Variants in HGS observed in about 807,000 individuals in gnomAD.
HGS encodes the protein hepatocyte growth factor-regulated tyrosine kinase substrate, also known as human growth factor-regulated tyrosine kinase substrate.
HGS carries 63 observed loss-of-function variants against 109.7 expected under a neutral mutation model. That is an observed-to-expected ratio of 0.57 (90% CI 0.47 to 0.71). The LOEUF is 0.71. HGS is among the 30% of genes least tolerant of loss of function. The pLI, the probability that HGS is intolerant of heterozygous loss-of-function variation, is 0.00. For missense variants in HGS, 995 were observed against 1,068.3 expected (o/e 0.93, Z 0.96); for synonymous variants, 546 against 437.3 (o/e 1.25, Z -3.10).
chr17:81,694,140 C>T (rs1296124869), intron 11 of HGS, among the ~76,000 whole-genome samples, 175 bp downstream of exon 11: 1 of 152,166 alleles, frequency 6.6e-6, no homozygotes, highest in Non-Finnish European at 1.5e-5. Context: ...CGGCTCCAGG[C>T]ACCCGTTGCT....
At chr17:81,686,534 T>G in intron 3 of HGS, 147 bp downstream of exon 3, 1 of 637,726 alleles carries the variant, frequency 1.6e-6, no homozygotes, top group Non-Finnish European at 2.8e-6. Context: ...TGAGTGCCTG[T>G]GTGAACAGTG....
rs2036926038 is a variant in HGS, at chr17:81,684,016, A to G, written c.-51A>G. 4.5e-6 allele frequency: 7 copies of G among 1,567,178 alleles called. No individual in the cohort carries two copies. The highest frequency in any genetic ancestry group is 4.6e-5 in the East Asian group (2 of 43,190). On this transcript the variant is annotated 5_prime_UTR_variant, in exon 1 of 22. Coordinates refer to ENST00000329138, the MANE Select transcript of HGS (RefSeq NM_004712.5). ...GGAAGCGGAAGTCGGGGGGCGCGCC[A>G]GCTCGTAGCAGGGGAGCGCCCGCGG...
chr17:81,686,520 G>C, intron 3 of HGS, 133 bp downstream of exon 3: 1 of 657,848 alleles, frequency 1.5e-6, no homozygotes, highest in African/African-American at 1.8e-5. Flanking sequence ...TTTCCACTCA[G>C]CCTTGAGTGC....
Position 81,690,442 on chromosome 17 carries a change from A to AGGGGGCTC in HGS, c.468+212_468+219dup, listed in dbSNP as rs2144490752. 4 of 642,212 alleles carry AGGGGGCTC rather than the reference A, an allele frequency of 6.2e-6. No individual in the cohort carries two copies. The East Asian group carries it at 1.1e-4, about 18-fold the overall frequency. 39.8% of individuals were successfully genotyped at this position (642,212 alleles called of 1,614,324 possible). ...TGGCTTGAGGGCCTTTAGAGTGGCTAGGGGGCTCGGGAAAGGAAAACAAGC... is the reference window on the plus strand; with the variant it reads ...TGGCTTGAGGGCCTTTAGAGTGGCTAGGGGGCTCGGGGGCTCGGGAAAGGAAAACAAGC... On this transcript the variant is annotated intron_variant, in intron 6 of 21. Transcript: ENST00000329138.
chr17:81,687,851 C>T (rs1311011590), intron 4 of HGS, among the ~76,000 whole-genome samples: 2 of 152,208 alleles, frequency 1.3e-5, no homozygotes, highest in Admixed American at 6.5e-5. Context: ...CCGGGGATCC[C>T]GGTGGACAGC....
At chr17:81,699,062 G>GT (rs2037194737) in intron 18 of HGS, among the ~76,000 whole-genome samples, 1 of 145,726 alleles carries the variant, frequency 6.9e-6, no homozygotes, top group Admixed American at 6.8e-5. Flanking sequence ...GCGAGACTCC[G>GT]TCTCAAAAAA....
At chr17:81,697,171 T>C (rs1873982780) in intron 18 of HGS, 173 bp downstream of exon 18, 1 of 717,614 alleles carries the variant, frequency 1.4e-6, no homozygotes, top group Admixed American at 3.1e-5. Context: ...GCTTTCCTGC[T>C]GGAGCCGTGT....
In HGS at chr17:81,695,045, C is replaced by T. The variant is rs765576760; in HGVS notation, c.1097C>T (p.Ala366Val). 1.2e-5 allele frequency: 20 copies of T among 1,613,454 alleles called. No individual in the cohort carries two copies. In the African/African-American group the frequency reaches 1.5e-4, roughly 12 times the overall value. ...GCTGCACAGCCTGGGGAAGGGCACG[C>T]AGCCCCCACCAACGTGGTGGAGGTG... is the stretch of plus-strand genomic sequence containing the variant. ...EPAAQPGEGHAAPTNVVENPL... is the reference protein window; with the variant it reads ...EPAAQPGEGHVAPTNVVENPL... Residue 366 changes from alanine (A) to valine (V), a missense_variant, in exon 13 of 22, where the codon GCA (alanine) becomes GTA (valine). Transcript: ENST00000329138.
intron 18 of HGS, 80 bp downstream of exon 18, chr17:81,697,078 A>G (rs767677246): frequency 2.5e-5 from 36 of 1,426,976 alleles, no homozygotes; most frequent in Non-Finnish European, 3.1e-5. Flanking sequence ...AGCAGTAAGA[A>G]TGGTGCGAAG....
At position 81,701,651 on chromosome 17, in the gene HGS, CAT is replaced by C; in HGVS notation, c.*35_*36del. On this transcript the variant is annotated 3_prime_UTR_variant, in exon 22 of 22. Transcript: ENST00000329138. ...CATGCTCACGTCCGGAGTAACACTA[CAT>C]ACAGTTCACCTGAAACGCCTCGTCT... 6.6e-7 allele frequency: 1 copy of C among 1,526,262 alleles called. No individual in the cohort carries two copies. Among genetic ancestry groups the C allele is most frequent in the Non-Finnish European group, 8.8e-7 (1 of 1,137,976 alleles). The allele number at this position is 1,526,262 out of a possible 1,614,324, so 94.5% of individuals were successfully genotyped here. A position where few individuals can be genotyped will look rare whatever the true frequency, so the allele number is the denominator to read the frequency against.
At chr17:81,686,488 G>A (rs558195060) in intron 3 of HGS, 101 bp downstream of exon 3, 13 of 800,048 alleles carry the variant, frequency 1.6e-5, no homozygotes, top group Non-Finnish European at 2.8e-5. Context: ...CCACCTCCCT[G>A]GGCATACATC....
chr17:81,700,649 G>T (rs1404904372), intron 19 of HGS, 46 bp from the exon 20 acceptor site: 1 of 1,066,858 alleles, frequency 9.4e-7, no homozygotes, highest in Admixed American at 2.0e-5. Context: ...CCCAGCCCCA[G>T]CCCCAGCCCC....
Position 81,693,860 on chromosome 17 carries a change from T to G in HGS, c.841-10T>G. On this transcript the variant is annotated splice_polypyrimidine_tract_variant and intron_variant, in intron 10 of 21. Transcript: ENST00000329138. ...GCACCCAAGTGACGCCCCTTCTGAT[T>G]CTGCCTCAGAGACAGAAGTCCACGT... 1.2e-6 allele frequency: 2 copies of G among 1,600,302 alleles called. No homozygotes were observed. Among genetic ancestry groups the G allele is most frequent in the Non-Finnish European group, 1.7e-6 (2 of 1,174,904 alleles).
Position 81,693,884 on chromosome 17 carries a change from G to C in HGS, c.855G>C (p.Thr285=). Residue 285 remains threonine (T), a synonymous_variant, in exon 11 of 22, where the codon ACG becomes ACC. Transcript: ENST00000329138. ...TTCTGCCTCAGAGACAGAAGTCCAC[G>C]TACACTTCGTACCCCAAGGCGGAGC... is the stretch of plus-strand genomic sequence containing the variant. ...EEKERLRQKS[T]YTSYPKAEPM... 6.2e-7 allele frequency: 1 copy of C among 1,610,012 alleles called. No individual in the cohort carries two copies. The highest frequency in any genetic ancestry group is 8.5e-7 in the Non-Finnish European group (1 of 1,179,400).
In HGS at chr17:81,691,859, G is replaced by A. The variant is rs1202236392; in HGVS notation, c.662+288G>A. ...GGGTTTGTTTGCATTTCAACTTTCG[G>A]AATAAAACTTACAGAAAAGTTGCAA... On this transcript the variant is annotated intron_variant, in intron 8 of 21. Coordinates refer to ENST00000329138, the MANE Select transcript of HGS (RefSeq NM_004712.5). This position sits in a 1 kb window ranked among gnomAD's most constrained non-coding sequence, Gnocchi z 5.3. 6.2e-6 allele frequency: 2 copies of A among 323,760 alleles called. No homozygotes were observed. Among genetic ancestry groups the A allele is most frequent in the Non-Finnish European group, 1.2e-5 (2 of 170,994 alleles). The allele number at this position is 323,760 out of a possible 1,614,324, so 20.1% of individuals were successfully genotyped here.
At chr17:81,694,025 G>GC in intron 11 of HGS, 60 bp downstream of exon 11, 1 of 1,428,336 alleles carries the variant, frequency 7.0e-7, no homozygotes, top group South Asian at 1.2e-5. Flanking sequence ...GATGGGGGAC[G>GC]CGGGTCCCTG....
At chr17:81,689,522 G>C (rs2037032635) in intron 5 of HGS, among the ~76,000 whole-genome samples, 1 of 152,178 alleles carries the variant, frequency 6.6e-6, no homozygotes, top group Non-Finnish European at 1.5e-5. Flanking sequence ...CAGTGAGAGA[G>C]AGGTGGGCAT....
chr17:81,691,099 C>G lies in HGS; in HGVS notation c.538-348C>G. 2.2e-6 allele frequency: 1 copy of G among 448,252 alleles called. No individual in the cohort carries two copies. Among genetic ancestry groups the G allele is most frequent in the South Asian group, 2.9e-5 (1 of 34,952 alleles). The allele number at this position is 448,252 out of a possible 1,614,324, so 27.8% of individuals were successfully genotyped here. A position where few individuals can be genotyped will look rare whatever the true frequency, so the allele number is the denominator to read the frequency against. The stretch of plus-strand genomic sequence containing the variant: ...CGAGGCATCTTCACATCAAAACCCC[C>G]TCCAGGCTGGCAACCGGCAGTGCTT... On this transcript the variant is annotated intron_variant, in intron 7 of 21. Coordinates refer to ENST00000329138, the MANE Select transcript of HGS (RefSeq NM_004712.5). The surrounding 1 kb of genome is among the most constrained non-coding windows in gnomAD (Gnocchi z 5.3).
In HGS at chr17:81,696,838, C is replaced by G. The variant is rs111381172; in HGVS notation, c.1722C>G (p.Pro574=). The change falls in exon 18 of 22, where the codon CCC becomes CCG. Residue 574 remains proline (P), a synonymous_variant. Coordinates refer to ENST00000329138, the MANE Select transcript of HGS (RefSeq NM_004712.5). ...TTTGTCCCCAGCTCCAGGCCATGCCCGCAGCCGGAGGTGTGCTCTACCAGC... is the reference window on the plus strand; with the variant it reads ...TTTGTCCCCAGCTCCAGGCCATGCCGGCAGCCGGAGGTGTGCTCTACCAGC... ...PLPYAQLQAM[P]AAGGVLYQPS... 6.2e-7 allele frequency: 1 copy of G among 1,609,850 alleles called. No homozygotes were observed. Among genetic ancestry groups the G allele is most frequent in the Non-Finnish European group, 8.5e-7 (1 of 1,178,566 alleles).
Sources: gnomAD v4.1 joint callset for allele counts (sites outside exome capture counted in the v4.1 genomes callset) on GRCh38, gnomAD v4.1.1 for gene constraint, Gnocchi (gnomAD v3.1) non-coding constraint, MANE v1.5 for transcripts, NCBI Gene and HGNC (gene_info 2026-07-23, HGNC 2026-07-21) for gene names.